GALNT13: variants seen among roughly 807,000 people sequenced by gnomAD.
The protein encoded by GALNT13 is polypeptide N-acetylgalactosaminyltransferase 13.
A neutral mutation model predicts 64.2 loss-of-function variants in GALNT13; 28 were observed. The observed-to-expected ratio is 0.44, with a 90% CI of 0.32 to 0.60. GALNT13 has a LOEUF of 0.60. GALNT13 is among the 20% of genes least tolerant of loss of function. The pLI, the probability that GALNT13 is intolerant of heterozygous loss-of-function variation, is 0.05. For synonymous variants in GALNT13, 214 were observed against 224.6 expected, an observed-to-expected ratio of 0.95 and a Z score of 0.42; for missense variants, 577 against 669.8, an observed-to-expected ratio of 0.86 and a Z score of 1.53.
At chr2:153,693,314 T>G in the GALNT13 span, among the ~76,000 whole-genome samples, 1 of 152,214 alleles carries the variant, frequency 6.6e-6, no homozygotes, top group Non-Finnish European at 1.5e-5. Flanking sequence ...AACTACTCTT[T>G]TTGTGAATCG....
At chr2:153,779,573 A>G in the GALNT13 span, among the ~76,000 whole-genome samples, 1 of 152,188 alleles carries the variant, frequency 6.6e-6, no homozygotes, top group Admixed American at 6.5e-5. Context: ...TTAAAATAGT[A>G]TATTTATTAT....
the GALNT13 span, among the ~76,000 whole-genome samples, chr2:153,496,028 G>A: frequency 3.4e-4 from 51 of 152,160 alleles, no homozygotes; most frequent in African/African-American, 1.2e-3. Flanking sequence ...CCCTGCCGAT[G>A]GTGTCCAAAC....
the GALNT13 span, among the ~76,000 whole-genome samples, chr2:153,479,428 T>C: frequency 1.1e-4 from 17 of 151,978 alleles, no homozygotes; most frequent in Non-Finnish European, 2.2e-4. Flanking sequence ...ACAAAAGCGA[T>C]TGGGAGACAG....
chr2:154,199,341 A>T (rs1573861342), intron 4 of GALNT13, among the ~76,000 whole-genome samples: 1 of 152,062 alleles, frequency 6.6e-6, no homozygotes, highest in Non-Finnish European at 1.5e-5. Context: ...AGAATAAAAT[A>T]TGCTGCAAAA....
At chr2:153,388,795 T>C in the GALNT13 span, among the ~76,000 whole-genome samples, 1 of 151,988 alleles carries the variant, frequency 6.6e-6, no homozygotes, top group Non-Finnish European at 1.5e-5. Context: ...TCTTCCATGA[T>C]ACAATTAAAA....
the GALNT13 span, among the ~76,000 whole-genome samples, chr2:153,643,577 T>G: frequency 6.6e-6 from 1 of 151,566 alleles, no homozygotes; most frequent in Admixed American, 6.6e-5. Flanking sequence ...CCACAAAATT[T>G]CCATACTATA....
At chr2:154,136,988 G>T (rs1421833887) in intron 3 of GALNT13, among the ~76,000 whole-genome samples, 1 of 151,688 alleles carries the variant, frequency 6.6e-6, no homozygotes, top group African/African-American at 2.4e-5. Flanking sequence ...GGGGAAGCAT[G>T]ATATTTTGTG....
chr2:154,010,249 T>C (rs1558905551), intron 3 of GALNT13, among the ~76,000 whole-genome samples: 1 of 152,190 alleles, frequency 6.6e-6, no homozygotes, highest in African/African-American at 2.4e-5. Context: ...GCTCTTATTA[T>C]TTTGATGTAT....
At chr2:154,200,264 C>T (rs373134804) in intron 4 of GALNT13, among the ~76,000 whole-genome samples, 48 of 151,594 alleles carry the variant, frequency 3.2e-4, no homozygotes, top group Non-Finnish European at 5.6e-4. Flanking sequence ...TTATCTCTTT[C>T]GAGATAAGAA....
At chr2:154,019,638 A>G (rs1697287014) in intron 3 of GALNT13, among the ~76,000 whole-genome samples, 1 of 149,560 alleles carries the variant, frequency 6.7e-6, no homozygotes, top group South Asian at 2.2e-4. Flanking sequence ...ACACACACAC[A>G]CACACACACA....
intron 4 of GALNT13, among the ~76,000 whole-genome samples, chr2:154,219,542 T>C (rs1688217169): frequency 6.6e-6 from 1 of 152,138 alleles, no homozygotes; most frequent in Non-Finnish European, 1.5e-5. Context: ...TAGTATATTG[T>C]GCATCACTGG....
chr2:153,523,126 C>T, the GALNT13 span, among the ~76,000 whole-genome samples: 12 of 132,882 alleles, frequency 9.0e-5, no homozygotes, highest in East Asian at 2.4e-4. Context: ...CTTTCAATTG[C>T]GTTGGCTTTG....
chr2:153,942,840 A>G lies in GALNT13; in HGVS notation c.-104-1554A>G, dbSNP rs1031091779. On this transcript the variant is annotated intron_variant, in intron 2 of 12. Coordinates refer to ENST00000392825, the MANE Select transcript of GALNT13 (RefSeq NM_052917.4). ...GTTTAGGTTGGTTATAACAGGCAACAGAATTTCTGTTGCTTTATGGTGCTG... is the reference window on the plus strand; with the variant it reads ...GTTTAGGTTGGTTATAACAGGCAACGGAATTTCTGTTGCTTTATGGTGCTG... Among the ~76,000 whole-genome samples the G allele has an allele frequency of 1.5e-4, 23 of 152,282 alleles. 2 individuals carry two copies. The highest frequency in any genetic ancestry group is 1.5e-3 in the Admixed American group (23 of 15,280).
chr2:154,403,120 T>TA (rs1389575905), intron 10 of GALNT13, among the ~76,000 whole-genome samples: 2 of 151,904 alleles, frequency 1.3e-5, no homozygotes, highest in Non-Finnish European at 2.9e-5. Flanking sequence ...TGCATGGCTT[T>TA]AAAAAAAATC....
the GALNT13 span, among the ~76,000 whole-genome samples, chr2:153,258,225 G>C: frequency 1.3e-5 from 2 of 152,142 alleles, no homozygotes; most frequent in Admixed American, 1.3e-4. Flanking sequence ...ACTAAAGTTT[G>C]TTTTGCAGAC....
chr2:154,040,233 G>A (rs565613998), intron 3 of GALNT13, among the ~76,000 whole-genome samples: 1 of 140,302 alleles, frequency 7.1e-6, no homozygotes, highest in African/African-American at 2.4e-5. Context: ...TGAACTAAAA[G>A]TCCAGGATTG....
chr2:153,961,967 C>T (rs182386264), intron 3 of GALNT13, among the ~76,000 whole-genome samples: 57 of 152,252 alleles, frequency 3.7e-4, no homozygotes, highest in Non-Finnish European at 6.2e-4. Context: ...GATTGAATAA[C>T]GAATGCATGA....
At chr2:153,894,303 A>T (rs1687749698) in intron 1 of GALNT13, among the ~76,000 whole-genome samples, 1 of 152,120 alleles carries the variant, frequency 6.6e-6, no homozygotes, top group Admixed American at 6.6e-5. Flanking sequence ...GGAGGAATGG[A>T]TGATAGAGTA....
At chr2:153,120,885 T>A in the GALNT13 span, among the ~76,000 whole-genome samples, 67,876 of 151,918 alleles carry the variant, frequency 0.45, 16,970 homozygotes, top group Admixed American at 0.6. Flanking sequence ...ACGTGATGTA[T>A]CTAGGAAAAA....
Sources: gnomAD v4.1 joint callset for allele counts (sites outside exome capture counted in the v4.1 genomes callset) on GRCh38, gnomAD v4.1.1 for gene constraint, MANE v1.5 for transcripts, NCBI Gene and HGNC (gene_info 2026-07-23, HGNC 2026-07-21) for gene names.